SDCCAG8: variants seen among roughly 807,000 people sequenced by gnomAD.
SDCCAG8 encodes serologically defined colon cancer antigen 8.
Under a neutral mutation model 101.8 loss-of-function variants are expected in SDCCAG8, and 74 were observed. The observed-to-expected ratio is 0.73, with a 90% CI of 0.60 to 0.88. SDCCAG8 has a LOEUF of 0.88. Ranked by LOEUF, SDCCAG8 falls within the 40% of genes least tolerant of loss-of-function variation. The probability of loss-of-function intolerance (pLI) is 0.00; values close to 1 mark genes in which losing one functional copy is unlikely to be tolerated. For synonymous variants in SDCCAG8, 281 were observed against 292.9 expected (o/e 0.96, Z 0.41); for missense variants, 787 against 822.6 (o/e 0.96, Z 0.53).
intron 13 of SDCCAG8, 144 bp downstream of exon 13, chr1:243,379,007 G>T: frequency 9.6e-7 from 1 of 1,038,276 alleles, no homozygotes; most frequent in Non-Finnish European, 1.5e-6. Context: ...TGGAGATGTG[G>T]TAAGCAAAAC....
chr1:243,451,799 C>T (rs990979157), intron 16 of SDCCAG8, among the ~76,000 whole-genome samples: 1 of 152,086 alleles, frequency 6.6e-6, no homozygotes, highest in African/African-American at 2.4e-5. Context: ...CTTGGTGGTG[C>T]GTGCCTGTAA....
chr1:243,449,741 T>A (rs930531568), intron 16 of SDCCAG8, among the ~76,000 whole-genome samples: 16 of 152,196 alleles, frequency 1.1e-4, no homozygotes, highest in African/African-American at 3.9e-4. Context: ...ACTAGCAGGG[T>A]TACCTCCTGT....
At chr1:243,449,978 C>A (rs955630964) in intron 16 of SDCCAG8, among the ~76,000 whole-genome samples, 2 of 152,166 alleles carry the variant, frequency 1.3e-5, no homozygotes, top group African/African-American at 2.4e-5. Flanking sequence ...CAGAACTATT[C>A]TTTCAGGGTG....
At chr1:243,321,802 T>C (rs1195322144) in intron 9 of SDCCAG8, among the ~76,000 whole-genome samples, 1 of 152,124 alleles carries the variant, frequency 6.6e-6, no homozygotes. Context: ...GTGTGCACCA[T>C]CACGCCTGGC....
At chr1:243,369,195 T>C (rs1175958009) in intron 12 of SDCCAG8, among the ~76,000 whole-genome samples, 2 of 152,194 alleles carry the variant, frequency 1.3e-5, no homozygotes, top group African/African-American at 4.8e-5. Flanking sequence ...CACTTTACTT[T>C]CATTGTTGGG....
intron 16 of SDCCAG8, among the ~76,000 whole-genome samples, chr1:243,432,252 G>T (rs939716932): frequency 6.6e-6 from 1 of 151,986 alleles, no homozygotes; most frequent in African/African-American, 2.4e-5. Context: ...GGAGCTGGAG[G>T]CTATTATTCT....
At chr1:243,496,567 C>T (rs1046774223) in intron 17 of SDCCAG8, among the ~76,000 whole-genome samples, 1 of 152,204 alleles carries the variant, frequency 6.6e-6, no homozygotes, top group African/African-American at 2.4e-5. Context: ...GGGGTTGTTA[C>T]CTTCAGAAGG....
intron 17 of SDCCAG8, among the ~76,000 whole-genome samples, chr1:243,498,730 A>G (rs1412531685): frequency 6.6e-6 from 1 of 152,248 alleles, no homozygotes; most frequent in African/African-American, 2.4e-5. Flanking sequence ...CCCCATGTTA[A>G]TGATGGCTTA....
chr1:243,486,644 G>C (rs1159708610), intron 16 of SDCCAG8, among the ~76,000 whole-genome samples: 1 of 152,252 alleles, frequency 6.6e-6, no homozygotes, highest in East Asian at 1.9e-4. Flanking sequence ...TATGCTGTGA[G>C]AGCGGCTTTG....
At chr1:243,441,984 G>A (rs2082564803) in intron 16 of SDCCAG8, among the ~76,000 whole-genome samples, 1 of 152,056 alleles carries the variant, frequency 6.6e-6, no homozygotes, top group Non-Finnish European at 1.5e-5. Context: ...GTCTATATTA[G>A]TACTATCAGC....
chr1:243,270,000 T>A, intron 1 of SDCCAG8, 105 bp from the exon 2 acceptor site: 2 of 1,496,178 alleles, frequency 1.3e-6, no homozygotes, highest in Non-Finnish European at 1.8e-6. Flanking sequence ...TTCCATAAAG[T>A]ACGAGAAATA....
At chr1:243,350,503 C>T (rs1573491598) in intron 12 of SDCCAG8, among the ~76,000 whole-genome samples, 1 of 152,126 alleles carries the variant, frequency 6.6e-6, no homozygotes, top group Admixed American at 6.5e-5. Flanking sequence ...CAGACGTGAG[C>T]CACTGCGCCC....
At chr1:243,370,738 G>A (rs557552730) in intron 12 of SDCCAG8, among the ~76,000 whole-genome samples, 43 of 152,136 alleles carry the variant, frequency 2.8e-4, no homozygotes, top group African/African-American at 9.6e-4. Flanking sequence ...CTCTGAGGAA[G>A]TGCTTCTGAA....
intron 12 of SDCCAG8, among the ~76,000 whole-genome samples, chr1:243,348,000 C>T (rs1026039208): frequency 1.3e-5 from 2 of 150,514 alleles, no homozygotes; most frequent in African/African-American, 4.9e-5. Context: ...CCTCCTCCCT[C>T]ACCAACCCAG....
intron 13 of SDCCAG8, among the ~76,000 whole-genome samples, chr1:243,396,782 C>G (rs1573800108): frequency 6.6e-6 from 1 of 152,128 alleles, no homozygotes; most frequent in African/African-American, 2.4e-5. Flanking sequence ...ATTAAAACAC[C>G]ATGTCTTACT....
At chr1:243,400,536 G>A (rs910499423) in intron 13 of SDCCAG8, among the ~76,000 whole-genome samples, 4 of 152,144 alleles carry the variant, frequency 2.6e-5, no homozygotes, top group Admixed American at 1.3e-4. Flanking sequence ...CTAAAATGGG[G>A]GTGTGGGGTG....
At chr1:243,407,557 G>A (rs1042227057) in intron 13 of SDCCAG8, among the ~76,000 whole-genome samples, 1 of 152,194 alleles carries the variant, frequency 6.6e-6, no homozygotes, top group Non-Finnish European at 1.5e-5. Flanking sequence ...GCAATAGCTA[G>A]TCTACTGTAT....
chr1:243,338,159 C>T (rs1032960329), intron 10 of SDCCAG8, among the ~76,000 whole-genome samples: 1 of 152,154 alleles, frequency 6.6e-6, no homozygotes, highest in African/African-American at 2.4e-5. Flanking sequence ...TGGCAGTCCT[C>T]CTGCCTCAGC....
intron 12 of SDCCAG8, among the ~76,000 whole-genome samples, chr1:243,372,824 G>C (rs1045935772): frequency 9.9e-5 from 15 of 151,054 alleles, no homozygotes; most frequent in South Asian, 2.1e-4. Flanking sequence ...GCGAGACTTT[G>C]TCTCTACTAA....
Sources: gnomAD v4.1 joint callset for allele counts (sites outside exome capture counted in the v4.1 genomes callset) on GRCh38, gnomAD v4.1.1 for gene constraint, MANE v1.5 for transcripts, NCBI Gene and HGNC (gene_info 2026-07-23, HGNC 2026-07-21) for gene names.